Variants in DHX57 observed in about 807,000 individuals in gnomAD.
DHX57 encodes DExH-box helicase 57.
A neutral mutation model predicts 156.2 loss-of-function variants in DHX57; 105 were observed. The ratio of observed to expected loss-of-function variants is 0.67; its 90% CI spans 0.57 to 0.79. The LOEUF (loss-of-function observed/expected upper bound fraction) is 0.79, where lower values mean the gene tolerates loss of function less well. DHX57 is among the 30% of genes least tolerant of loss of function. The pLI is 0.00. For synonymous variants in DHX57, 704 were observed against 595.6 expected (o/e 1.18, Z -2.65); for missense variants, 1,847 against 1,661.9 (o/e 1.11, Z -1.94).
chr2:38,860,639 A>C (rs1162170300), intron 5 of DHX57, among the ~76,000 whole-genome samples: 1 of 152,214 alleles, frequency 6.6e-6, no homozygotes, highest in Non-Finnish European at 1.5e-5. Flanking sequence ...AATTCATTTG[A>C]AAGTAATTCA....
At chr2:38,801,398 T>TTATC (rs961440681) in intron 23 of DHX57, among the ~76,000 whole-genome samples, 5 of 135,002 alleles carry the variant, frequency 3.7e-5, no homozygotes, top group East Asian at 2.0e-4. Flanking sequence ...ACCTGAAGTT[T>TTATC]TATCTATCTA....
chr2:38,819,372 C>T (rs1172498633), intron 17 of DHX57, among the ~76,000 whole-genome samples: 1 of 152,154 alleles, frequency 6.6e-6, no homozygotes, highest in African/African-American at 2.4e-5. Context: ...GACGGAGTCT[C>T]ACCATGTTGT....
chr2:38,854,187 T>A lies in DHX57; in HGVS notation c.1906-9A>T. 6.2e-7 allele frequency: 1 copy of A among 1,612,124 alleles called. No individual in the cohort carries two copies. The highest frequency in any genetic ancestry group is 8.5e-7 in the Non-Finnish European group (1 of 1,179,246). On this transcript the variant is annotated splice_polypyrimidine_tract_variant and intron_variant, in intron 8 of 23. Coordinates refer to ENST00000457308, the MANE Select transcript of DHX57 (RefSeq NM_198963.3). ...AGTCTGGTGGCTGAGGACTTACACA[T>A]GAAAGGGCAATATAAATCATTAATA... is the stretch of plus-strand genomic sequence containing the variant.
intron 19 of DHX57, among the ~76,000 whole-genome samples, chr2:38,816,979 G>A (rs1404287501): frequency 1.3e-5 from 2 of 152,142 alleles, no homozygotes; most frequent in East Asian, 3.8e-4. Flanking sequence ...TTAATGACTT[G>A]AGAAAATATT....
At chr2:38,864,606 A>G (rs1664960559) in intron 2 of DHX57, among the ~76,000 whole-genome samples, 1 of 151,920 alleles carries the variant, frequency 6.6e-6, no homozygotes, top group Admixed American at 6.6e-5. Flanking sequence ...CCCCTTTCTA[A>G]ATCACTGGTT....
intron 11 of DHX57, among the ~76,000 whole-genome samples, chr2:38,845,761 A>G (rs1476005174): frequency 3.9e-5 from 6 of 152,078 alleles, no homozygotes; most frequent in Non-Finnish European, 8.8e-5. Context: ...ACACATTAAC[A>G]TTTTCTACCT....
chr2:38,840,856 C>T (rs1298332850), intron 12 of DHX57, among the ~76,000 whole-genome samples: 1 of 152,142 alleles, frequency 6.6e-6, no homozygotes, highest in Non-Finnish European at 1.5e-5. Flanking sequence ...AGGTCTTGCT[C>T]TGTTGGGGCT....
chr2:38,850,343 C>T (rs527803774), intron 9 of DHX57, among the ~76,000 whole-genome samples: 4 of 151,998 alleles, frequency 2.6e-5, no homozygotes, highest in East Asian at 1.9e-4. Flanking sequence ...AGTGCAGTGG[C>T]GTTATCATGG....
intron 15 of DHX57, 97 bp downstream of exon 15, chr2:38,826,419 T>C: frequency 7.3e-7 from 1 of 1,377,476 alleles, no homozygotes; most frequent in Non-Finnish European, 1.0e-6. Context: ...TTTCATACAG[T>C]AATCCGTGTA....
At chr2:38,822,936 C>G in intron 17 of DHX57, 57 bp downstream of exon 17, 1 of 1,563,838 alleles carries the variant, frequency 6.4e-7, no homozygotes, top group Admixed American at 1.8e-5. Flanking sequence ...CCATGGTCCC[C>G]TTAGAGACCT....
At chr2:38,832,150 C>T (rs1671414701) in intron 13 of DHX57, among the ~76,000 whole-genome samples, 1 of 151,962 alleles carries the variant, frequency 6.6e-6, no homozygotes, top group Admixed American at 6.6e-5. Context: ...TTTAGACAAC[C>T]ACACAGCGGG....
At chr2:38,815,090 A>G (rs1670457437) in intron 20 of DHX57, among the ~76,000 whole-genome samples, 2 of 148,848 alleles carry the variant, frequency 1.3e-5, no homozygotes, top group Non-Finnish European at 3.0e-5. Flanking sequence ...TTTTTGAGAC[A>G]GGGTTTGGCT....
intron 12 of DHX57, among the ~76,000 whole-genome samples, chr2:38,840,537 C>T (rs1671937122): frequency 6.6e-6 from 1 of 151,422 alleles, no homozygotes; most frequent in Admixed American, 6.6e-5. Flanking sequence ...TGTGCCACCA[C>T]ACCTGGCTAA....
chr2:38,868,037 A>T (rs1385586619), intron 2 of DHX57, 145 bp downstream of exon 2: 2 of 1,029,168 alleles, frequency 1.9e-6, no homozygotes, highest in African/African-American at 3.2e-5. Flanking sequence ...GTTATTTCCC[A>T]TCATGTCTTC....
At chr2:38,857,041 C>G (rs138225384) in intron 6 of DHX57, 2 of 153,882 alleles carry the variant, frequency 1.3e-5, no homozygotes, top group Non-Finnish European at 2.9e-5. Flanking sequence ...CAACAAGAGT[C>G]TCTATACCAG....
chr2:38,829,611 G>T (rs1438094680), intron 13 of DHX57, among the ~76,000 whole-genome samples: 1 of 151,918 alleles, frequency 6.6e-6, no homozygotes, highest in Non-Finnish European at 1.5e-5. Context: ...TAGAGATGAG[G>T]TCTCACTATA....
chr2:38,827,085 C>T (rs561413994), intron 14 of DHX57, among the ~76,000 whole-genome samples: 34 of 152,116 alleles, frequency 2.2e-4, no homozygotes, highest in Non-Finnish European at 4.4e-4. Context: ...GAGCTGACAT[C>T]CTGCCATTGC....
At chr2:38,833,632 G>C (rs1558378224) in intron 13 of DHX57, among the ~76,000 whole-genome samples, 1 of 152,198 alleles carries the variant, frequency 6.6e-6, no homozygotes, top group Non-Finnish European at 1.5e-5. Context: ...AAGACAGTGA[G>C]TAAAGTAGTG....
Position 38,861,351 on chromosome 2 carries a change from A to G in DHX57, c.1059T>C (p.Tyr353=). 6.2e-7 allele frequency: 1 copy of G among 1,613,690 alleles called. No homozygotes were observed. Among genetic ancestry groups the G allele is most frequent in the Middle Eastern group, 1.6e-4 (1 of 6,062 alleles). The change falls in exon 5 of 24, where the codon TAT becomes TAC. Residue 353 remains tyrosine (Y), a synonymous_variant. Coordinates refer to ENST00000457308, the MANE Select transcript of DHX57 (RefSeq NM_198963.3). The part of the protein sequence containing the change: ...LNAIEDASFL[Y]ELEIRFSKDH... The stretch of plus-strand genomic sequence containing the variant: ...CTTTAGAAAATCGAATTTCAAGTTC[A>G]TATAAAAAAGATGCATCTTCAATAG...
Sources: allele counts gnomAD v4.1 joint callset (sites outside exome capture counted in the v4.1 genomes callset), GRCh38; gene constraint gnomAD v4.1.1; transcripts MANE v1.5; gene names NCBI Gene and HGNC (gene_info 2026-07-23, HGNC 2026-07-21).